Variants in GRIK1 observed in about 807,000 individuals in gnomAD.
The protein encoded by GRIK1 is glutamate ionotropic receptor kainate type subunit 1.
A neutral mutation model predicts 105.7 loss-of-function variants in GRIK1; 69 were observed. That is an observed-to-expected ratio of 0.65 (90% confidence interval 0.54 to 0.80). The LOEUF (loss-of-function observed/expected upper bound fraction) is 0.80. GRIK1 is among the 30% of genes least tolerant of loss of function. The probability of loss-of-function intolerance (pLI) is 0.00; values close to 1 mark genes in which losing one functional copy is unlikely to be tolerated. For missense variants in GRIK1, 1,109 were observed against 1,167.3 expected (o/e 0.95, Z 0.73); for synonymous variants, 438 against 431.3 (o/e 1.02, Z -0.19).
At chr21:29,908,728 A>G (rs1184551028) in intron 1 of GRIK1, among the ~76,000 whole-genome samples, 1 of 152,160 alleles carries the variant, frequency 6.6e-6, no homozygotes, top group East Asian at 1.9e-4. Context: ...AGTATTATTC[A>G]CCCATTTATT....
At chr21:29,800,117 G>A (rs1267363464) in intron 1 of GRIK1, among the ~76,000 whole-genome samples, 1 of 152,086 alleles carries the variant, frequency 6.6e-6, no homozygotes, top group East Asian at 1.9e-4. Context: ...CTTTTTCTGT[G>A]GGTACATGAC....
chr21:29,774,778 G>C (rs1448682226), intron 1 of GRIK1, among the ~76,000 whole-genome samples: 1 of 152,076 alleles, frequency 6.6e-6, no homozygotes, highest in Non-Finnish European at 1.5e-5. Context: ...CTTTTTCTAA[G>C]TTGAGGTTTC....
At chr21:29,767,003 G>A (rs2065684047) in intron 1 of GRIK1, among the ~76,000 whole-genome samples, 1 of 152,136 alleles carries the variant, frequency 6.6e-6, no homozygotes, top group Non-Finnish European at 1.5e-5. Flanking sequence ...GCACTTTGTA[G>A]GACCCACCTT....
chr21:29,891,993 TAA>T (rs2069919495), intron 1 of GRIK1, among the ~76,000 whole-genome samples: 2 of 152,352 alleles, frequency 1.3e-5, no homozygotes, highest in African/African-American at 2.4e-5. Context: ...ATGAATGAAT[TAA>T]AGTGTATTTG....
At chr21:29,784,606 T>C (rs1285839954) in intron 1 of GRIK1, among the ~76,000 whole-genome samples, 2 of 152,204 alleles carry the variant, frequency 1.3e-5, no homozygotes, top group Non-Finnish European at 2.9e-5. Context: ...ATTTAAAGTA[T>C]GTATGACATA....
At chr21:29,757,706 G>C (rs1203007513) in intron 1 of GRIK1, among the ~76,000 whole-genome samples, 1 of 152,086 alleles carries the variant, frequency 6.6e-6, no homozygotes, top group Non-Finnish European at 1.5e-5. Flanking sequence ...CTTTAAGCAG[G>C]GTTTTTCAAC....
At chr21:29,859,510 A>G (rs1260714343) in intron 1 of GRIK1, among the ~76,000 whole-genome samples, 3 of 152,240 alleles carry the variant, frequency 2.0e-5, no homozygotes, top group African/African-American at 7.2e-5. Context: ...ACAGAATGAT[A>G]GTCAACAGCT....
In GRIK1 at chr21:29,542,630, C is replaced by T. The variant is rs184851203; in HGVS notation, c.2608-4746G>A. The stretch of plus-strand genomic sequence containing the variant: ...TTCATACTGGTTGCAAACTTGACAT[C>T]AGATTGTGAATGTCAGATTGATTTC... On this transcript the variant is annotated intron_variant, in intron 16 of 17. Transcript: ENST00000327783. 7.9e-5 allele frequency among the ~76,000 whole-genome samples: 12 copies of T among 152,300 alleles called. 1 individual carries two copies. The East Asian group carries it at 2.1e-3, about 27-fold the overall frequency.
intron 1 of GRIK1, among the ~76,000 whole-genome samples, chr21:29,939,051 C>G (rs960927975): frequency 6.6e-6 from 1 of 152,150 alleles, no homozygotes; most frequent in Non-Finnish European, 1.5e-5. Context: ...TTTCTGCGCC[C>G]AACTCAAGTG....
At chr21:29,643,948 C>T (rs2062566489) in intron 6 of GRIK1, among the ~76,000 whole-genome samples, 1 of 151,962 alleles carries the variant, frequency 6.6e-6, no homozygotes, top group South Asian at 2.1e-4. Flanking sequence ...ACACACACAC[C>T]ACATACACAA....
chr21:29,901,183 G>A (rs1398131655), intron 1 of GRIK1, among the ~76,000 whole-genome samples: 2 of 152,142 alleles, frequency 1.3e-5, no homozygotes, highest in Non-Finnish European at 2.9e-5. Flanking sequence ...ACAAGAGAAA[G>A]CAGGACAAAG....
At chr21:29,782,669 G>C (rs908876047) in intron 1 of GRIK1, among the ~76,000 whole-genome samples, 1 of 152,112 alleles carries the variant, frequency 6.6e-6, no homozygotes, top group South Asian at 2.1e-4. Context: ...CACATAAAAC[G>C]GGCAAAGATT....
chr21:29,915,801 A>G (rs2070975460), intron 1 of GRIK1, among the ~76,000 whole-genome samples: 1 of 152,020 alleles, frequency 6.6e-6, no homozygotes, highest in African/African-American at 2.4e-5. Flanking sequence ...TGTCATATAT[A>G]TGAAGTGCCC....
intron 1 of GRIK1, among the ~76,000 whole-genome samples, chr21:29,756,323 G>A (rs953376875): frequency 6.6e-6 from 1 of 152,180 alleles, no homozygotes; most frequent in African/African-American, 2.4e-5. Context: ...AGAGCTTGCA[G>A]TGAGCCGAGA....
At chr21:29,726,920 T>TTATTTA (rs1291242715) in intron 1 of GRIK1, among the ~76,000 whole-genome samples, 2 of 151,534 alleles carry the variant, frequency 1.3e-5, no homozygotes, top group Non-Finnish European at 2.9e-5. Flanking sequence ...ATATTTATTT[T>TTATTTA]TATTTATATA....
At chr21:29,699,107 A>G (rs1426021832) in intron 1 of GRIK1, among the ~76,000 whole-genome samples, 1 of 152,190 alleles carries the variant, frequency 6.6e-6, no homozygotes, top group Non-Finnish European at 1.5e-5. Context: ...AAGGTGCCAC[A>G]TATGGTCACT....
In GRIK1 at chr21:29,795,193, G is replaced by A. The variant is rs432558; in HGVS notation, c.119-101130C>T. On this transcript the variant is annotated intron_variant, in intron 1 of 17. Coordinates refer to ENST00000327783, the MANE Select transcript of GRIK1 (RefSeq NM_001330994.2). ...TGGGATTACAGGCACCTGCCACCAC[G>A]CCCGGCTAATTTTTGTATTTTTAGT... Among the ~76,000 whole-genome samples the A allele has an allele frequency of 7.9e-5, 12 of 151,414 alleles. No homozygotes were observed. In the South Asian group the frequency reaches 1.9e-3, roughly 24 times the overall value.
intron 1 of GRIK1, among the ~76,000 whole-genome samples, chr21:29,783,196 G>A (rs2066170826): frequency 6.6e-6 from 1 of 151,870 alleles, no homozygotes; most frequent in African/African-American, 2.4e-5. Flanking sequence ...CCTTCTTCCT[G>A]TAAATTTCCT....
intron 16 of GRIK1, chr21:29,553,620 C>T (rs1413526920): frequency 6.2e-7 from 1 of 1,608,924 alleles, no homozygotes; most frequent in Admixed American, 1.7e-5. Context: ...TTACCACATT[C>T]TAAATCCGTA....
Sources: gnomAD v4.1 joint callset for allele counts (sites outside exome capture counted in the v4.1 genomes callset) on GRCh38, gnomAD v4.1.1 for gene constraint, MANE v1.5 for transcripts, NCBI Gene and HGNC (gene_info 2026-07-23, HGNC 2026-07-21) for gene names.